The following MPPED2 variants were observed in gnomAD, a reference collection of about 807,000 sequenced individuals.
MPPED2 encodes metallophosphoesterase MPPED2.
MPPED2 carries 5 observed loss-of-function variants against 33.0 expected under a neutral mutation model. The observed-to-expected ratio is 0.15, with a 90% CI of 0.08 to 0.32. The LOEUF (loss-of-function observed/expected upper bound fraction) is 0.32, where lower values mean the gene tolerates loss of function less well. Ranked by LOEUF, MPPED2 falls within the 10% of genes least tolerant of loss-of-function variation. MPPED2 has a pLI of 1.00. For synonymous variants in MPPED2, 136 were observed against 141.9 expected (o/e 0.96, Z 0.29); for missense variants, 275 against 372.1 (o/e 0.74, Z 2.15).
chr11:30,496,378 G>GAGATA, intron 3 of MPPED2, among the ~76,000 whole-genome samples: 1 of 152,218 alleles, frequency 6.6e-6, no homozygotes, highest in East Asian at 1.9e-4. Flanking sequence ...AATCCAAAGG[G>GAGATA]AGATAGTGCC....
At chr11:30,466,767 A>G (rs1170035489) in intron 4 of MPPED2, among the ~76,000 whole-genome samples, 11 of 152,228 alleles carry the variant, frequency 7.2e-5, no homozygotes. Flanking sequence ...TTGTGGCCCC[A>G]AATACCTACT....
chr11:30,386,839 T>C, exon 7 of MPPED2: 1 of 398,466 alleles, frequency 2.5e-6, no homozygotes, highest in Non-Finnish European at 4.4e-6. Context: ...ATAATAGCAA[T>C]AGCAAAAGCA....
chr11:30,519,340 G>A (rs1455884232), intron 3 of MPPED2, among the ~76,000 whole-genome samples: 2 of 151,630 alleles, frequency 1.3e-5, no homozygotes, highest in Non-Finnish European at 2.9e-5. Context: ...GTGTATACAT[G>A]AATATGTATG....
intron 4 of MPPED2, among the ~76,000 whole-genome samples, chr11:30,422,929 C>T (rs1206941912): frequency 6.6e-6 from 1 of 152,152 alleles, no homozygotes; most frequent in Non-Finnish European, 1.5e-5. Context: ...AGCACCCTCC[C>T]CCTTGCTCTT....
intron 3 of MPPED2, among the ~76,000 whole-genome samples, chr11:30,528,316 C>A (rs1954318736): frequency 6.6e-6 from 1 of 152,148 alleles, no homozygotes; most frequent in Non-Finnish European, 1.5e-5. Flanking sequence ...AGTGCAGTAG[C>A]ACGATCTTGG....
At chr11:30,512,184 T>TCC (rs1953246306) in intron 3 of MPPED2, among the ~76,000 whole-genome samples, 1 of 152,180 alleles carries the variant, frequency 6.6e-6, no homozygotes, top group African/African-American at 2.4e-5. Flanking sequence ...AGGGAAGATG[T>TCC]CCTCATGACT....
At chr11:30,518,550 A>G (rs1024682926) in intron 3 of MPPED2, among the ~76,000 whole-genome samples, 6 of 152,188 alleles carry the variant, frequency 3.9e-5, no homozygotes, top group African/African-American at 1.4e-4. Context: ...ACCTATAATC[A>G]CTGTGTCCAT....
chr11:30,578,768 TTGTAACATATTTG>T (rs1957036585), intron 2 of MPPED2, among the ~76,000 whole-genome samples: 1 of 152,122 alleles, frequency 6.6e-6, no homozygotes, highest in Non-Finnish European at 1.5e-5. Context: ...TACACAAATA[TTGTAACATATTTG>T]AAGAAAAACA....
chr11:30,392,255 A>C (rs574266328), intron 6 of MPPED2, among the ~76,000 whole-genome samples: 2 of 152,206 alleles, frequency 1.3e-5, no homozygotes, highest in Non-Finnish European at 2.9e-5. Context: ...CACAAAAAGA[A>C]TAAGCCTTCT....
chr11:30,459,265 TACCA>T (rs1950424225), intron 4 of MPPED2, among the ~76,000 whole-genome samples: 1 of 152,132 alleles, frequency 6.6e-6, no homozygotes, highest in South Asian at 2.1e-4. Context: ...ACACCCCACC[TACCA>T]AAGATGCCTG....
At chr11:30,504,295 C>T (rs370409809) in intron 3 of MPPED2, among the ~76,000 whole-genome samples, 1 of 152,090 alleles carries the variant, frequency 6.6e-6, no homozygotes, top group Admixed American at 6.6e-5. Flanking sequence ...GGCTTGAAAA[C>T]TGGCCAAGCA....
intron 3 of MPPED2, among the ~76,000 whole-genome samples, chr11:30,515,086 C>T (rs1046404033): frequency 1.3e-5 from 2 of 152,096 alleles, no homozygotes; most frequent in African/African-American, 4.8e-5. Context: ...AAGAGTGAGA[C>T]TCTATCTCAA....
intron 6 of MPPED2, among the ~76,000 whole-genome samples, chr11:30,392,879 A>C (rs1480560606): frequency 6.6e-6 from 1 of 152,148 alleles, no homozygotes; most frequent in East Asian, 1.9e-4. Flanking sequence ...CTCAGGGTTT[A>C]AGGCAAAGTG....
At chr11:30,491,479 A>G (rs1951978601) in intron 4 of MPPED2, among the ~76,000 whole-genome samples, 1 of 152,262 alleles carries the variant, frequency 6.6e-6, no homozygotes. Flanking sequence ...AGAGGTATAA[A>G]GTAGTTTGGA....
At chr11:30,578,417 C>A (rs905162824) in intron 2 of MPPED2, among the ~76,000 whole-genome samples, 2 of 152,142 alleles carry the variant, frequency 1.3e-5, no homozygotes, top group African/African-American at 4.8e-5. Context: ...GTCTAGGTTG[C>A]CCCATTTTCA....
chr11:30,547,253 G>A (rs1290805855), intron 2 of MPPED2, among the ~76,000 whole-genome samples: 1 of 152,170 alleles, frequency 6.6e-6, no homozygotes, highest in African/African-American at 2.4e-5. Flanking sequence ...GGCATGTCCA[G>A]AACTCTTTCA....
chr11:30,493,053 G>C (rs1952054568), intron 4 of MPPED2, among the ~76,000 whole-genome samples: 1 of 152,174 alleles, frequency 6.6e-6, no homozygotes, highest in African/African-American at 2.4e-5. Flanking sequence ...ATTTTAAACA[G>C]ATATGTACTT....
intron 4 of MPPED2, among the ~76,000 whole-genome samples, chr11:30,451,066 G>A (rs1230279473): frequency 3.9e-5 from 6 of 152,292 alleles, no homozygotes; most frequent in Non-Finnish European, 5.9e-5. Context: ...CAAGAGCCAC[G>A]TGGCTTCTTC....
rs1455474332 is a variant in MPPED2 at position 30,428,581 on chromosome 11, T to C, written c.537-10948A>G. 3.3e-5 allele frequency among the ~76,000 whole-genome samples: 5 copies of C among 152,332 alleles called. No individual in the cohort carries two copies. In the East Asian group the frequency reaches 9.6e-4, roughly 29 times the overall value. The stretch of plus-strand genomic sequence containing the variant: ...TTGTCTAAGGTCATCTAAGCTAAGT[T>C]GGCATGAACCAGAACTTTGTAGTGC... On this transcript the variant is annotated intron_variant, in intron 4 of 6. Coordinates refer to ENST00000358117, the MANE Select transcript of MPPED2 (RefSeq NM_001584.3).
Sources: allele counts gnomAD v4.1 joint callset (sites outside exome capture counted in the v4.1 genomes callset), GRCh38; gene constraint gnomAD v4.1.1; transcripts MANE v1.5; gene names NCBI Gene and HGNC (gene_info 2026-07-23, HGNC 2026-07-21).